The following PKHD1L1 variants were observed in gnomAD, a reference collection of about 807,000 sequenced individuals.
PKHD1L1 encodes the protein PKHD1 like 1.
A neutral mutation model predicts 462.9 loss-of-function variants in PKHD1L1; 434 were observed. The ratio of observed to expected loss-of-function variants is 0.94; its 90% CI spans 0.87 to 1.02. The LOEUF (loss-of-function observed/expected upper bound fraction) is 1.02. PKHD1L1 is among the 50% of genes least tolerant of loss of function. The pLI is 0.00. For missense variants in PKHD1L1, 5,202 were observed against 5,096.1 expected (o/e 1.02, Z -0.63); for synonymous variants, 1,781 against 1,750.0 (o/e 1.02, Z -0.44).
Position 109,385,644 on chromosome 8 carries a change from G to A in PKHD1L1, c.569+14G>A. Reference sequence around the variant, plus strand: ...TAGGATTTTGAGGTAATCTTTTGATGTGGAAATATATTCTTATAACTCATA... The same window carrying A: ...TAGGATTTTGAGGTAATCTTTTGATATGGAAATATATTCTTATAACTCATA... On this transcript the variant is annotated intron_variant, in intron 6 of 77. Transcript: ENST00000378402. The A allele has an allele frequency of 6.7e-7, 1 of 1,484,770 alleles. No individual in the cohort carries two copies. The highest frequency in any genetic ancestry group is 1.2e-5 in the South Asian group (1 of 85,008). The allele number at this position is 1,484,770 out of a possible 1,614,324, so 92.0% of individuals were successfully genotyped here. A position where few individuals can be genotyped will look rare whatever the true frequency, so the allele number is the denominator to read the frequency against.
chr8:109,436,632 A>C (rs1309834804), intron 30 of PKHD1L1, among the ~76,000 whole-genome samples, 173 bp downstream of exon 30: 1 of 152,208 alleles, frequency 6.6e-6, no homozygotes, highest in African/African-American at 2.4e-5. Flanking sequence ...TAAGATTCAA[A>C]GACAAAATAT....
chr8:109,386,298 A>G (rs1812440612), intron 6 of PKHD1L1, among the ~76,000 whole-genome samples: 1 of 152,210 alleles, frequency 6.6e-6, no homozygotes, highest in South Asian at 2.1e-4. Flanking sequence ...CCTGCCTTTA[A>G]AGACTGAAAG....
chr8:109,497,564 C>T (rs1819174670), intron 65 of PKHD1L1, among the ~76,000 whole-genome samples: 2 of 151,404 alleles, frequency 1.3e-5, no homozygotes, highest in Non-Finnish European at 1.5e-5. Context: ...GTAGCTAGGA[C>T]TACAGGTGCC....
At chr8:109,520,050 G>T (rs1448900896) in intron 73 of PKHD1L1, among the ~76,000 whole-genome samples, 1 of 152,162 alleles carries the variant, frequency 6.6e-6, no homozygotes, top group East Asian at 1.9e-4. Context: ...TAAGCAGGTG[G>T]AAGTTTCTTC....
At chr8:109,394,377 G>C (rs746029541) in intron 9 of PKHD1L1, 38 bp from the exon 10 acceptor site, 6 of 1,315,456 alleles carry the variant, frequency 4.6e-6, no homozygotes. Flanking sequence ...CTAAATTAAA[G>C]ATCATTTAAA....
In PKHD1L1 at chr8:109,443,073, C is replaced by T. The variant is rs771258133; in HGVS notation, c.4521C>T (p.Pro1507=). The change falls in exon 36 of 78, where the codon CCC becomes CCT. Residue 1507 remains proline (P), a synonymous_variant. Coordinates refer to ENST00000378402, the MANE Select transcript of PKHD1L1 (RefSeq NM_177531.6). The stretch of plus-strand genomic sequence containing the variant: ...TACCAGCTGAAACCAGACACATTCC[C>T]TTGCACCTGTTTGTGGGTCGCTCTG... The part of the protein sequence containing the change: ...NVLPAETRHI[P]LHLFVGRSEA... 39 of 1,613,522 alleles carry T rather than the reference C, an allele frequency of 2.4e-5. No homozygotes were observed. The highest frequency in any genetic ancestry group is 3.3e-5 in the Non-Finnish European group (39 of 1,179,654).
chr8:109,491,377 G>A (rs1454932997), intron 61 of PKHD1L1, among the ~76,000 whole-genome samples: 1 of 151,670 alleles, frequency 6.6e-6, no homozygotes, highest in Non-Finnish European at 1.5e-5. Context: ...TGTGGCTATG[G>A]TTATCATATT....
chr8:109,439,200 T>C (rs1044157675), intron 32 of PKHD1L1, 108 bp downstream of exon 32: 5 of 982,326 alleles, frequency 5.1e-6, no homozygotes, highest in Non-Finnish European at 7.6e-6. Context: ...TTGTTCTCTT[T>C]ACCTTCCTAT....
intron 77 of PKHD1L1, among the ~76,000 whole-genome samples, chr8:109,528,130 C>T (rs1293915946): frequency 2.0e-5 from 3 of 152,084 alleles, no homozygotes; most frequent in Non-Finnish European, 4.4e-5. Flanking sequence ...AATATCATTG[C>T]ATTAGCAACA....
chr8:109,384,322 C>T (rs1400379844), intron 5 of PKHD1L1, among the ~76,000 whole-genome samples, 195 bp downstream of exon 5: 3 of 151,964 alleles, frequency 2.0e-5, no homozygotes, highest in Admixed American at 6.6e-5. Context: ...AAGAATTCCT[C>T]GAGCCCAAGA....
rs541528282 is a variant in PKHD1L1, at chr8:109,501,828, G to A, written c.10829-2499G>A. Among the ~76,000 whole-genome samples, 52 of 152,166 alleles carry A rather than the reference G, an allele frequency of 3.4e-4. 1 individual carries two copies. The South Asian group carries it at 0.011, about 31-fold the overall frequency. The stretch of plus-strand genomic sequence containing the variant: ...ACTCTTCTGTATTGAATGCTTATTG[G>A]TGGGAAATAGCATGCCTTTTATACC... On this transcript the variant is annotated intron_variant, in intron 67 of 77. Transcript: ENST00000378402.
At chr8:109,467,973 T>C (rs1267193517) in intron 50 of PKHD1L1, among the ~76,000 whole-genome samples, 1 of 152,208 alleles carries the variant, frequency 6.6e-6, no homozygotes, top group East Asian at 1.9e-4. Flanking sequence ...TGTCAATATT[T>C]ACCATTTCTC....
At chr8:109,515,345 A>G in intron 72 of PKHD1L1, 40 bp downstream of exon 72, 1 of 1,346,244 alleles carries the variant, frequency 7.4e-7, no homozygotes, top group Non-Finnish European at 9.9e-7. Flanking sequence ...TGGAAAATGT[A>G]CTTATTTATA....
chr8:109,498,095 T>C (rs1185202338), intron 65 of PKHD1L1, among the ~76,000 whole-genome samples: 1 of 42,756 alleles, frequency 2.3e-5, no homozygotes, highest in Non-Finnish European at 4.2e-5. Context: ...TTCTTTTTTT[T>C]TTTTTTTTTT....
At chr8:109,497,416 C>A in intron 65 of PKHD1L1, 144 bp downstream of exon 65, 3 of 960,406 alleles carry the variant, frequency 3.1e-6, no homozygotes, top group Non-Finnish European at 4.4e-6. Context: ...CTGCCCTCTG[C>A]CTAAAAAACC....
At chr8:109,479,764 A>G (rs530705201) in intron 54 of PKHD1L1, 125 bp downstream of exon 54, 1 of 827,674 alleles carries the variant, frequency 1.2e-6, no homozygotes, top group Non-Finnish European at 1.9e-6. Flanking sequence ...AGTGGACTCT[A>G]TTAATGCATC....
At chr8:109,375,795 A>G (rs999089775) in intron 2 of PKHD1L1, among the ~76,000 whole-genome samples, 16 of 152,218 alleles carry the variant, frequency 1.1e-4, no homozygotes, top group African/African-American at 3.9e-4. Context: ...AGGTATCAGC[A>G]GCGGTGGCTG....
intron 50 of PKHD1L1, among the ~76,000 whole-genome samples, chr8:109,473,905 A>T (rs1160237930): frequency 1.3e-5 from 2 of 152,102 alleles, no homozygotes; most frequent in African/African-American, 4.8e-5. Context: ...AAGAAGTCAA[A>T]CCTCACTGAG....
chr8:109,405,081 T>G lies in PKHD1L1; in HGVS notation c.1620T>G (p.Asn540Lys). ...IKVTSPCVEA[N>K]SCSLYQYRLI... ...TAACCAGCCCATGTGTGGAAGCTAA[T>G]TCATGTTCACTTTACCAATATAGAT... The change falls in exon 16 of 78, where the codon AAT becomes AAG. Residue 540 changes from asparagine (N) to lysine (K), a missense_variant. Around this residue, in one of 3 missense-constraint regions of PKHD1L1, gnomAD observed 4,497 missense variants for 4,336.8 expected, o/e 1.04. Coordinates refer to ENST00000378402, the MANE Select transcript of PKHD1L1 (RefSeq NM_177531.6). The G allele has an allele frequency of 1.3e-6, 2 of 1,517,594 alleles. No individual in the cohort carries two copies. The highest frequency in any genetic ancestry group is 1.8e-6 in the Non-Finnish European group (2 of 1,113,956). 94.0% of individuals were successfully genotyped at this position (1,517,594 alleles called of 1,614,324 possible).
Sources: gnomAD v4.1 joint callset for allele counts (sites outside exome capture counted in the v4.1 genomes callset) on GRCh38, gnomAD v4.1.1 for gene constraint, gnomAD v4.1.1 regional missense constraint, MANE v1.5 for transcripts, NCBI Gene and HGNC (gene_info 2026-07-23, HGNC 2026-07-21) for gene names.